Variants in RANBP17 observed in about 807,000 individuals in gnomAD.
RANBP17 encodes the protein RAN binding protein 17, also known as ran-binding protein 17.
Under a neutral mutation model 141.2 loss-of-function variants are expected in RANBP17, and 158 were observed. The observed-to-expected ratio is 1.12, with a 90% CI of 0.98 to 1.28. RANBP17 has a LOEUF of 1.28. Among genes scored for constraint, RANBP17 ranks in the 50% most tolerant of loss-of-function variants. The pLI, the probability that RANBP17 is intolerant of heterozygous loss-of-function variation, is 0.00. For missense variants in RANBP17, 1,438 were observed against 1,290.7 expected, an observed-to-expected ratio of 1.11 and a Z score of -1.75; for synonymous variants, 430 against 450.0, an observed-to-expected ratio of 0.96 and a Z score of 0.56.
At chr5:171,230,065 C>CA (rs1764117073) in intron 22 of RANBP17, among the ~76,000 whole-genome samples, 2 of 150,536 alleles carry the variant, frequency 1.3e-5, no homozygotes, top group South Asian at 4.2e-4. Flanking sequence ...AACTCCGTCT[C>CA]AAAAAAAAGA....
intron 12 of RANBP17, among the ~76,000 whole-genome samples, chr5:170,952,994 T>C (rs1458819266): frequency 6.6e-6 from 1 of 152,114 alleles, no homozygotes; most frequent in African/African-American, 2.4e-5. Context: ...TTTAATCCTC[T>C]ACTACTATCA....
intron 25 of RANBP17, among the ~76,000 whole-genome samples, chr5:171,290,121 C>A (rs1028155785): frequency 2.0e-5 from 3 of 152,110 alleles, no homozygotes; most frequent in Non-Finnish European, 4.4e-5. Flanking sequence ...GTAATCCCAG[C>A]ACTTTGGGAG....
At position 171,055,880 on chromosome 5, in the gene RANBP17, C is replaced by CAAAAAAAA. The variant is rs72488636; in HGVS notation, c.1710+87512_1710+87519dup. On this transcript the variant is annotated intron_variant, in intron 14 of 27. Coordinates refer to ENST00000523189, the MANE Select transcript of RANBP17 (RefSeq NM_022897.5). ...AGTTTCTCCAGTTGTGTCCTGTTGC[C>CAAAAAAAA]AAAAAAAAAAAAAAAACAAAAAAAA... Among the ~76,000 whole-genome samples the CAAAAAAAA allele has an allele frequency of 1.4e-3, 35 of 25,092 alleles. 6 individuals carry two copies. The highest frequency in any genetic ancestry group is 3.2e-3 in the African/African-American group (31 of 9,558). 16.5% of individuals were successfully genotyped at this position (25,092 alleles called of 152,430 possible).
intron 21 of RANBP17, among the ~76,000 whole-genome samples, chr5:171,215,027 T>C (rs576651796): frequency 6.6e-6 from 1 of 151,968 alleles, no homozygotes; most frequent in Admixed American, 6.6e-5. Flanking sequence ...ATGCATTAGG[T>C]ATTTGTCCTA....
rs142281542 is a variant in RANBP17, at chr5:171,171,224, C to A, written c.1803C>A (p.Tyr601Ter). ...TATTTAGTGTTACAAACCTTAAATA[C>A]TGGGGAAGATATGAGCCTGTAATTT... ...FMTKIVTNLK[Y>*]WGRYEPVISR... The change falls in exon 16 of 28, where the codon TAC (tyrosine) becomes TAA (stop). Residue 601 changes from tyrosine to a stop codon, truncating the protein, a stop_gained. Coordinates refer to ENST00000523189, the MANE Select transcript of RANBP17 (RefSeq NM_022897.5). LOFTEE classifies it high-confidence loss of function. 6.3e-7 allele frequency: 1 copy of A among 1,589,498 alleles called. No individual in the cohort carries two copies. Among genetic ancestry groups the A allele is most frequent in the Non-Finnish European group, 8.6e-7 (1 of 1,163,950 alleles).
intron 14 of RANBP17, among the ~76,000 whole-genome samples, chr5:171,073,864 A>T (rs1419254312): frequency 5.9e-5 from 9 of 151,692 alleles, no homozygotes; most frequent in African/African-American, 2.2e-4. Flanking sequence ...AGCACGGAAC[A>T]GTTTCAGCAA....
Position 170,990,125 on chromosome 5 carries a change from T to C in RANBP17, c.1710+21748T>C, listed in dbSNP as rs577399646. Among the ~76,000 whole-genome samples the C allele has an allele frequency of 1.6e-4, 25 of 151,976 alleles. 1 individual carries two copies. The South Asian group carries it at 5.0e-3, about 30-fold the overall frequency. On this transcript the variant is annotated intron_variant, in intron 14 of 27. Coordinates refer to ENST00000523189, the MANE Select transcript of RANBP17 (RefSeq NM_022897.5). ...TACTTTTAAGCAACAATTTAATTCATAGCATAGTTTGCAATTTATTGAATA... is the reference window on the plus strand; with the variant it reads ...TACTTTTAAGCAACAATTTAATTCACAGCATAGTTTGCAATTTATTGAATA...
chr5:171,198,217 G>T (rs1762089578), intron 18 of RANBP17, among the ~76,000 whole-genome samples: 3 of 152,194 alleles, frequency 2.0e-5, no homozygotes, highest in Non-Finnish European at 4.4e-5. Context: ...TATCTAAGAG[G>T]AGTCACTTGG....
intron 14 of RANBP17, among the ~76,000 whole-genome samples, chr5:171,013,923 A>G (rs1013991343): frequency 1.3e-5 from 2 of 152,022 alleles, no homozygotes; most frequent in African/African-American, 4.8e-5. Context: ...TGGTTCTCTC[A>G]GTTGTTGAGG....
rs1027825525 is a variant in RANBP17, at chr5:171,183,664, A to G, written c.2038+234A>G. 3.3e-5 allele frequency among the ~76,000 whole-genome samples: 5 copies of G among 152,328 alleles called. No individual in the cohort carries two copies. The East Asian group carries it at 7.7e-4, about 23-fold the overall frequency. On this transcript the variant is annotated intron_variant, in intron 18 of 27. Coordinates refer to ENST00000523189, the MANE Select transcript of RANBP17 (RefSeq NM_022897.5). ...CACATAACACTTGCACTGATTTTTT[A>G]CCTCACAGCTTACTTTCTGCCTATC...
At chr5:171,222,923 C>G (rs531625639) in intron 22 of RANBP17, among the ~76,000 whole-genome samples, 1 of 152,266 alleles carries the variant, frequency 6.6e-6, no homozygotes, top group Admixed American at 6.5e-5. Flanking sequence ...GCCACTGCAC[C>G]CAGCCGTGAT....
chr5:170,970,512 C>G (rs925042003), intron 14 of RANBP17: 11 of 152,040 alleles, frequency 7.2e-5, no homozygotes, highest in African/African-American at 2.7e-4. Flanking sequence ...AGTCTGTGCT[C>G]TCTGTTAATT....
chr5:170,940,467 C>CTT (rs1774236835), intron 12 of RANBP17, among the ~76,000 whole-genome samples: 1 of 152,090 alleles, frequency 6.6e-6, no homozygotes. Flanking sequence ...CCCAGGCATG[C>CTT]AAATATTCCA....
intron 20 of RANBP17, among the ~76,000 whole-genome samples, chr5:171,208,193 G>T (rs928815313): frequency 2.0e-5 from 3 of 152,148 alleles, no homozygotes; most frequent in Admixed American, 1.3e-4. Context: ...TATTTATGGC[G>T]ATTATTTGAT....
intron 13 of RANBP17, among the ~76,000 whole-genome samples, chr5:170,958,908 G>T (rs979084004): frequency 2.0e-5 from 3 of 152,140 alleles, no homozygotes; most frequent in African/African-American, 7.2e-5. Flanking sequence ...AAAACCTCTT[G>T]AGAGATTCTC....
At chr5:171,193,850 A>G (rs1761807406) in intron 18 of RANBP17, among the ~76,000 whole-genome samples, 1 of 152,238 alleles carries the variant, frequency 6.6e-6, no homozygotes. Context: ...TCAGTTGATT[A>G]GCAACTTTAA....
At chr5:171,214,042 T>C (rs906988313) in intron 21 of RANBP17, among the ~76,000 whole-genome samples, 2 of 152,204 alleles carry the variant, frequency 1.3e-5, no homozygotes, top group Non-Finnish European at 2.9e-5. Context: ...ATTTTAACTA[T>C]TTCAGTGCTT....
At chr5:170,963,864 T>C (rs948347127) in intron 13 of RANBP17, among the ~76,000 whole-genome samples, 8 of 152,134 alleles carry the variant, frequency 5.3e-5, no homozygotes, top group Non-Finnish European at 7.4e-5. Context: ...AGTTCAATTA[T>C]AGACAAAGGG....
At position 170,953,652 on chromosome 5, in the gene RANBP17, A is replaced by C. The variant is rs370280380; in HGVS notation, c.1524A>C (p.Thr508=). 1.2e-6 allele frequency: 2 copies of C among 1,611,884 alleles called. No individual in the cohort carries two copies. The highest frequency in any genetic ancestry group is 2.7e-5 in the African/African-American group (2 of 74,854). Residue 508 remains threonine (T), a synonymous_variant, in exon 13 of 28, where the codon ACA becomes ACC. Coordinates refer to ENST00000523189, the MANE Select transcript of RANBP17 (RefSeq NM_022897.5). ...GGACAGTTGTAGGAGGAAGATTAAC[A>C]TATACCAGTACAGATGAGCATGATG... ...LVGTVVGGRL[T]YTSTDEHDAM...
Sources: allele counts gnomAD v4.1 joint callset (sites outside exome capture counted in the v4.1 genomes callset), GRCh38; gene constraint gnomAD v4.1.1; transcripts MANE v1.5; gene names NCBI Gene and HGNC (gene_info 2026-07-23, HGNC 2026-07-21).